The following LCA5L variants were observed in gnomAD, a reference collection of about 807,000 sequenced individuals.
The protein encoded by LCA5L is lebercilin LCA5 like.
A neutral mutation model predicts 45.4 loss-of-function variants in LCA5L; 35 were observed. That is an observed-to-expected ratio of 0.77 (90% CI 0.59 to 1.02). LCA5L has a LOEUF of 1.02. LCA5L is among the 50% of genes least tolerant of loss of function. The pLI, the probability that LCA5L is intolerant of heterozygous loss-of-function variation, is 0.00. For missense variants in LCA5L, 668 were observed against 761.6 expected, an observed-to-expected ratio of 0.88 and a Z score of 1.45; for synonymous variants, 233 against 264.7, an observed-to-expected ratio of 0.88 and a Z score of 1.16.
intron 3 of LCA5L, among the ~76,000 whole-genome samples, chr21:39,431,535 T>C (rs571190297): frequency 4.1e-4 from 63 of 152,218 alleles, no homozygotes; most frequent in Non-Finnish European, 7.2e-4. Context: ...TATTTTATTT[T>C]TGAGATGGAG....
At chr21:39,416,173 TA>T (rs2041119148) in intron 7 of LCA5L, among the ~76,000 whole-genome samples, 2 of 152,198 alleles carry the variant, frequency 1.3e-5, no homozygotes, top group South Asian at 4.1e-4. Flanking sequence ...ACAGGGAAGG[TA>T]AAAATGTTTG....
At chr21:39,416,318 C>T (rs1341704412) in intron 7 of LCA5L, among the ~76,000 whole-genome samples, 1 of 152,194 alleles carries the variant, frequency 6.6e-6, no homozygotes, top group African/African-American at 2.4e-5. Context: ...AAGTTTTAAC[C>T]TGGGCAGTTA....
intron 2 of LCA5L, among the ~76,000 whole-genome samples, chr21:39,436,567 G>A (rs1478665774): frequency 6.6e-6 from 1 of 151,994 alleles, no homozygotes. Context: ...CTGCAGTCTC[G>A]ACCTCCTGGG....
At chr21:39,424,761 TTGGC>T (rs1314614755) in intron 5 of LCA5L, among the ~76,000 whole-genome samples, 1 of 152,214 alleles carries the variant, frequency 6.6e-6, no homozygotes, top group Non-Finnish European at 1.5e-5. Flanking sequence ...TCCTGTTACT[TTGGC>T]TGGGCACCAA....
rs772884701 is a variant in LCA5L at position 39,423,504 on chromosome 21, A to C, written c.323-14T>G. On this transcript the variant is annotated splice_polypyrimidine_tract_variant and intron_variant, in intron 5 of 10. Transcript: ENST00000288350. ...TTTCCTTCTGGCCTGTGTAAGCAGA[A>C]AATCCAGTTTATTACTAGTAAAATA... is the stretch of plus-strand genomic sequence containing the variant. The C allele has an allele frequency of 6.5e-7, 1 of 1,531,876 alleles. No individual in the cohort carries two copies. The highest frequency in any genetic ancestry group is 1.3e-5 in the South Asian group (1 of 79,372). 94.9% of individuals were successfully genotyped at this position (1,531,876 alleles called of 1,614,324 possible). A position where few individuals can be genotyped will look rare whatever the true frequency, so the allele number is the denominator to read the frequency against.
intron 1 of LCA5L, 42 bp downstream of exon 1, chr21:39,445,683 G>A (rs1297647710): frequency 6.6e-6 from 1 of 152,536 alleles, no homozygotes; most frequent in Non-Finnish European, 1.5e-5. Context: ...CTGTAACAGG[G>A]TAACCGGCTG....
chr21:39,417,095 C>T (rs181843432), intron 7 of LCA5L, among the ~76,000 whole-genome samples: 6 of 152,306 alleles, frequency 3.9e-5, no homozygotes, highest in African/African-American at 9.6e-5. Context: ...TGCAATGGCA[C>T]GATCTTAGCT....
At chr21:39,414,742 C>CTCTGTGTGTGTGTG (rs1341489035) in intron 7 of LCA5L, among the ~76,000 whole-genome samples, 278 of 99,224 alleles carry the variant, frequency 2.8e-3, no homozygotes, top group Non-Finnish European at 3.3e-3. Context: ...CTCTCTCTCT[C>CTCTGTGTGTGTGTG]TGTGTGTGTG....
chr21:39,441,566 A>G (rs1408374319), intron 2 of LCA5L, among the ~76,000 whole-genome samples: 1 of 152,232 alleles, frequency 6.6e-6, no homozygotes, highest in Admixed American at 6.5e-5. Context: ...TTGGATGGTT[A>G]CAGACTAGCT....
At chr21:39,417,338 C>T (rs2041387586) in intron 7 of LCA5L, among the ~76,000 whole-genome samples, 1 of 152,136 alleles carries the variant, frequency 6.6e-6, no homozygotes, top group African/African-American at 2.4e-5. Flanking sequence ...CTGTACCCAG[C>T]TGCTTTTTAG....
intron 10 of LCA5L, among the ~76,000 whole-genome samples, chr21:39,407,463 A>G (rs974613937): frequency 2.0e-5 from 3 of 152,206 alleles, no homozygotes; most frequent in Non-Finnish European, 4.4e-5. Flanking sequence ...TTCTTCTTAG[A>G]ACGAACCTAC....
intron 3 of LCA5L, among the ~76,000 whole-genome samples, chr21:39,433,139 G>A (rs750213916): frequency 7.9e-5 from 12 of 152,022 alleles, no homozygotes; most frequent in Non-Finnish European, 1.6e-4. Context: ...GATCCTGGCC[G>A]GGCACGGTGG....
At position 39,406,238 on chromosome 21, in the gene LCA5L, G is replaced by A. The variant is rs1297942402; in HGVS notation, c.1657C>T (p.His553Tyr). Residue 553 changes from histidine (H) to tyrosine (Y), a missense_variant, in exon 11 of 11, where the codon CAT (histidine) becomes TAT (tyrosine). Transcript: ENST00000288350. The part of the protein sequence containing the change: ...PANAGNMRYS[H>Y]STGKHLSNRE... ...TTACTGAGATGCTTGCCTGTACTAT[G>A]ACTGTACCTCATGTTGCCGGCATTG... 1 of 1,614,204 alleles carries A rather than the reference G, an allele frequency of 6.2e-7. No homozygotes were observed. The highest frequency in any genetic ancestry group is 8.5e-7 in the Non-Finnish European group (1 of 1,180,046).
At chr21:39,434,824 G>A (rs1361547209) in intron 3 of LCA5L, among the ~76,000 whole-genome samples, 8 of 152,088 alleles carry the variant, frequency 5.3e-5, no homozygotes, top group Admixed American at 5.2e-4. Context: ...GGCCACTGAT[G>A]TTCTTAATTA....
intron 8 of LCA5L, chr21:39,410,927 A>C: frequency 2.1e-6 from 1 of 471,184 alleles, no homozygotes; most frequent in South Asian, 1.5e-5. Context: ...ACTTCTTCTA[A>C]TAAAACAGAG....
At chr21:39,419,346 G>A (rs749457249) in intron 7 of LCA5L, among the ~76,000 whole-genome samples, 4 of 151,866 alleles carry the variant, frequency 2.6e-5, no homozygotes, top group East Asian at 3.9e-4. Context: ...GCAACACAGC[G>A]AGACCCCGTC....
At position 39,434,925 on chromosome 21, in the gene LCA5L, A is replaced by T. The variant is rs538227925; in HGVS notation, c.-92+495T>A. Among the ~76,000 whole-genome samples the T allele has an allele frequency of 1.3e-4, 20 of 152,362 alleles. No individual in the cohort carries two copies. In the South Asian group the frequency reaches 3.5e-3, roughly 27 times the overall value. On this transcript the variant is annotated intron_variant, in intron 3 of 10. Coordinates refer to ENST00000288350, the MANE Select transcript of LCA5L (RefSeq NM_152505.4). ...AAGGCAAAAGGATCTTAAAATAGGC[A>T]AAGTTAGTAATTATAAAATTAATAT...
rs746037577 is a variant in LCA5L at position 39,409,119 on chromosome 21, G to C, written c.1282+860C>G. On this transcript the variant is annotated intron_variant, in intron 10 of 10. Transcript: ENST00000288350. The surrounding 1 kb of genome is among the most constrained non-coding windows in gnomAD (Gnocchi z 4.2). ...ATCACAAGGTTGGGGCCTTCATGAC[G>C]GAATTAGTGTCCTTATAAAAAGAAA... Among the ~76,000 whole-genome samples the C allele has an allele frequency of 1.3e-5, 2 of 152,100 alleles. No individual in the cohort carries two copies. The highest frequency in any genetic ancestry group is 4.8e-5 in the African/African-American group (2 of 41,416).
At chr21:39,422,054 AG>A (rs2073861282) in intron 6 of LCA5L, 1 of 152,246 alleles carries the variant, frequency 6.6e-6, no homozygotes. Flanking sequence ...GTGAAAATTG[AG>A]GTTGCTCATT....
Sources: gnomAD v4.1 joint callset for allele counts (sites outside exome capture counted in the v4.1 genomes callset) on GRCh38, gnomAD v4.1.1 for gene constraint, Gnocchi (gnomAD v3.1) non-coding constraint, MANE v1.5 for transcripts, NCBI Gene and HGNC (gene_info 2026-07-23, HGNC 2026-07-21) for gene names.